Variants in DLG2 observed in about 807,000 individuals in gnomAD.
DLG2 encodes the protein discs large MAGUK scaffold protein 2.
Under a neutral mutation model 132.5 loss-of-function variants are expected in DLG2, and 45 were observed. The ratio of observed to expected loss-of-function variants is 0.34; its 90% CI spans 0.27 to 0.44. The LOEUF is 0.44. DLG2 is among the 20% of genes least tolerant of loss of function. The pLI is 1.00. For missense variants in DLG2, 1,045 were observed against 1,196.9 expected (o/e 0.87, Z 1.87); for synonymous variants, 424 against 419.6 (o/e 1.01, Z -0.13).
chr11:85,411,464 T>G (rs1461396604), intron 3 of DLG2, among the ~76,000 whole-genome samples: 1 of 151,858 alleles, frequency 6.6e-6, no homozygotes, highest in Non-Finnish European at 1.5e-5. Flanking sequence ...GTTTATCATG[T>G]TGAATTTGCA....
At chr11:85,572,274 T>A (rs977781074) in intron 3 of DLG2, among the ~76,000 whole-genome samples, 1 of 152,184 alleles carries the variant, frequency 6.6e-6, no homozygotes, top group Non-Finnish European at 1.5e-5. Context: ...TAGAGATTTA[T>A]AGTTTTCATC....
intron 8 of DLG2, among the ~76,000 whole-genome samples, chr11:84,227,341 G>A (rs1157112240): frequency 6.6e-6 from 1 of 152,066 alleles, no homozygotes; most frequent in African/African-American, 2.4e-5. Context: ...TGTGATCAGA[G>A]GGAATAAGGC....
intron 19 of DLG2, among the ~76,000 whole-genome samples, chr11:83,542,966 T>C (rs1054940486): frequency 1.3e-5 from 2 of 152,180 alleles, no homozygotes; most frequent in African/African-American, 4.8e-5. Flanking sequence ...AAATTTGTTT[T>C]ATTTTAGATT....
intron 3 of DLG2, among the ~76,000 whole-genome samples, chr11:85,448,685 T>C (rs2092113433): frequency 6.6e-6 from 1 of 152,168 alleles, no homozygotes; most frequent in African/African-American, 2.4e-5. Context: ...CACAGAGAAG[T>C]AGCCTCTATT....
chr11:83,844,383 GAAAA>G (rs111612093), intron 16 of DLG2, among the ~76,000 whole-genome samples: 1 of 141,130 alleles, frequency 7.1e-6, no homozygotes, highest in African/African-American at 2.6e-5. Context: ...CATCTCTATT[GAAAA>G]AAAAAAAAAA....
chr11:84,060,989 A>G (rs1309768515), intron 10 of DLG2, among the ~76,000 whole-genome samples: 1 of 152,100 alleles, frequency 6.6e-6, no homozygotes, highest in African/African-American at 2.4e-5. Flanking sequence ...CAATCCATTC[A>G]CTACACAGTG....
chr11:85,198,128 G>A (rs905942948), intron 4 of DLG2, among the ~76,000 whole-genome samples: 2 of 152,024 alleles, frequency 1.3e-5, no homozygotes, highest in Non-Finnish European at 1.5e-5. Context: ...TGGCTCAAAG[G>A]TACTGAGATT....
chr11:85,395,194 T>G (rs2087195886), intron 3 of DLG2, among the ~76,000 whole-genome samples: 1 of 151,994 alleles, frequency 6.6e-6, no homozygotes, highest in Non-Finnish European at 1.5e-5. Flanking sequence ...ATGAAAAAAG[T>G]GTTAATAAAG....
At chr11:84,482,647 A>C (rs1481823021) in intron 7 of DLG2, among the ~76,000 whole-genome samples, 1 of 152,222 alleles carries the variant, frequency 6.6e-6, no homozygotes, top group African/African-American at 2.4e-5. Context: ...AAGCATGGTA[A>C]AACCCTGAAT....
intron 7 of DLG2, among the ~76,000 whole-genome samples, chr11:84,497,451 T>A (rs1443201549): frequency 1.3e-5 from 2 of 152,010 alleles, no homozygotes; most frequent in East Asian, 3.9e-4. Context: ...TGAGTATATA[T>A]CCCACTATCC....
intron 6 of DLG2, among the ~76,000 whole-genome samples, chr11:85,077,653 A>G (rs1196325346): frequency 3.3e-5 from 5 of 152,100 alleles, no homozygotes; most frequent in African/African-American, 1.2e-4. Flanking sequence ...ATAAAAATGA[A>G]AAATGTGCTA....
chr11:84,623,156 G>A lies in DLG2; in HGVS notation c.358-88425C>T, dbSNP rs369712483. ...TATCATTACATGACTCCCTACTGAT[G>A]ACTGGATATATCCCAACTATTAATA... On this transcript the variant is annotated intron_variant, in intron 6 of 27. Transcript: ENST00000376104. 7.9e-5 allele frequency among the ~76,000 whole-genome samples: 12 copies of A among 152,160 alleles called. No individual in the cohort carries two copies. The East Asian group carries it at 1.5e-3, about 20-fold the overall frequency.
chr11:84,532,054 A>G (rs1436464373), intron 7 of DLG2, among the ~76,000 whole-genome samples: 1 of 151,198 alleles, frequency 6.6e-6, no homozygotes, highest in African/African-American at 2.4e-5. Context: ...TTATATTATC[A>G]TGTATATGCT....
chr11:84,555,986 C>G lies in DLG2; in HGVS notation c.358-21255G>C, dbSNP rs542070867. On this transcript the variant is annotated intron_variant, in intron 6 of 27. Coordinates refer to ENST00000376104, the MANE Select transcript of DLG2 (RefSeq NM_001142699.3). Reference sequence around the variant, plus strand: ...GCCAATGAGCTCAGCCCCTGCCCATCTGCATTTCCTACAGTAGGAAGCATC... The same window carrying G: ...GCCAATGAGCTCAGCCCCTGCCCATGTGCATTTCCTACAGTAGGAAGCATC... Among the ~76,000 whole-genome samples, 3 of 152,300 alleles carry G rather than the reference C, an allele frequency of 2.0e-5. No individual in the cohort carries two copies. The South Asian group carries it at 6.2e-4, about 32-fold the overall frequency.
intron 18 of DLG2, among the ~76,000 whole-genome samples, chr11:83,654,860 T>A (rs1316667009): frequency 6.6e-6 from 1 of 152,254 alleles, no homozygotes; most frequent in Non-Finnish European, 1.5e-5. Flanking sequence ...AGAATTTGGC[T>A]GTGTGGTCTT....
intron 19 of DLG2, among the ~76,000 whole-genome samples, chr11:83,584,585 T>C (rs1593782295): frequency 6.6e-6 from 1 of 152,186 alleles, no homozygotes; most frequent in East Asian, 1.9e-4. Context: ...GTGTGATGAA[T>C]AATAGAGTGT....
chr11:83,787,548 C>T (rs1292786422), intron 17 of DLG2, among the ~76,000 whole-genome samples: 1 of 152,050 alleles, frequency 6.6e-6, no homozygotes, highest in Non-Finnish European at 1.5e-5. Context: ...GTCTCGATCT[C>T]CTGACCTCGT....
chr11:84,097,337 T>C (rs987170354), intron 10 of DLG2, among the ~76,000 whole-genome samples: 1 of 152,152 alleles, frequency 6.6e-6, no homozygotes, highest in Non-Finnish European at 1.5e-5. Flanking sequence ...AAATTCCTTA[T>C]CCCATACCCT....
intron 7 of DLG2, among the ~76,000 whole-genome samples, chr11:84,424,399 T>C (rs1031906564): frequency 6.6e-6 from 1 of 152,228 alleles, no homozygotes; most frequent in East Asian, 1.9e-4. Flanking sequence ...CAAAGAATTG[T>C]ATGCACCCCA....
Sources: gnomAD v4.1 joint callset for allele counts (sites outside exome capture counted in the v4.1 genomes callset) on GRCh38, gnomAD v4.1.1 for gene constraint, MANE v1.5 for transcripts, NCBI Gene and HGNC (gene_info 2026-07-23, HGNC 2026-07-21) for gene names.